The following FGF13 variants were observed in gnomAD, a reference collection of about 807,000 sequenced individuals.
FGF13 encodes the protein fibroblast growth factor homologous factor 2.
In FGF13, 2 loss-of-function variants were observed where a neutral mutation model predicts 19.5. That is an observed-to-expected ratio of 0.10 (90% CI 0.04 to 0.32). The LOEUF is 0.32. Among genes scored for constraint, FGF13 ranks in the 10% least tolerant of loss-of-function variants. FGF13 has a pLI of 1.00. For synonymous variants in FGF13, 72 were observed against 76.9 expected (o/e 0.94, Z 0.33); for missense variants, 113 against 192.7 (o/e 0.59, Z 2.45).
chrX:138,894,969 G>A (rs2091496206), intron 1 of FGF13, among the ~76,000 whole-genome samples: 1 of 111,790 alleles, frequency 8.9e-6, no homozygotes, highest in Non-Finnish European at 1.9e-5. Flanking sequence ...CACCATGATC[G>A]AGTGGGCTTC....
At chrX:138,879,512 C>T (rs1320735617) in intron 1 of FGF13, among the ~76,000 whole-genome samples, 2 of 111,519 alleles carry the variant, frequency 1.8e-5, no homozygotes, top group African/African-American at 3.3e-5. Flanking sequence ...TATTGGTTAA[C>T]GTTAGTTAAT....
At chrX:138,729,118 A>T (rs2090208454) in intron 1 of FGF13, among the ~76,000 whole-genome samples, 1 of 111,873 alleles carries the variant, frequency 8.9e-6, no homozygotes, top group African/African-American at 3.2e-5. Flanking sequence ...AGTAGAAATT[A>T]GATAAACAAC....
chrX:139,000,188 AAAT>A (rs1433878065), intron 1 of FGF13, among the ~76,000 whole-genome samples: 5 of 111,979 alleles, frequency 4.5e-5, no homozygotes, highest in Non-Finnish European at 9.4e-5. Flanking sequence ...ATGTATCTCA[AAAT>A]AATAAGACCT....
At chrX:138,770,922 G>C (rs975643876) in intron 3 of FGF13, among the ~76,000 whole-genome samples, 1 of 111,161 alleles carries the variant, frequency 9.0e-6, no homozygotes, top group African/African-American at 3.3e-5. Flanking sequence ...GCCTTCTGTG[G>C]GTGCAAGGTT....
intron 3 of FGF13, among the ~76,000 whole-genome samples, chrX:138,749,193 AGAT>A (rs1284632900): frequency 1.8e-5 from 2 of 110,561 alleles, no homozygotes; most frequent in Admixed American, 9.7e-5. Flanking sequence ...ATCCCAGAGA[AGAT>A]GATATTAAGC....
intron 1 of FGF13, among the ~76,000 whole-genome samples, chrX:139,129,582 A>C (rs952706452): frequency 1.7e-4 from 19 of 111,712 alleles, no homozygotes; most frequent in African/African-American, 6.2e-4. Context: ...GCGTCTGAAA[A>C]GACCCAAAGC....
At chrX:139,174,279 T>C (rs1265659788) in intron 1 of FGF13, among the ~76,000 whole-genome samples, 1 of 112,486 alleles carries the variant, frequency 8.9e-6, no homozygotes, top group East Asian at 2.8e-4. Flanking sequence ...TTTATTTAAG[T>C]TCCTTGTAGA....
At chrX:139,151,189 T>C (rs774087993) in intron 1 of FGF13, among the ~76,000 whole-genome samples, 1 of 111,725 alleles carries the variant, frequency 9.0e-6, no homozygotes, top group Admixed American at 9.5e-5. Context: ...TTATTTAATT[T>C]CTCCTGTTGT....
At chrX:138,885,073 A>G (rs910296215) in intron 1 of FGF13, among the ~76,000 whole-genome samples, 1 of 112,337 alleles carries the variant, frequency 8.9e-6, no homozygotes, top group Non-Finnish European at 1.9e-5. Flanking sequence ...AGAAAAATAC[A>G]GCATATTAGC....
intron 1 of FGF13, among the ~76,000 whole-genome samples, chrX:139,186,166 C>T (rs1419905075): frequency 1.8e-5 from 2 of 111,353 alleles, no homozygotes. Flanking sequence ...TATGAATCAC[C>T]ACTGAAAATC....
intron 3 of FGF13, among the ~76,000 whole-genome samples, chrX:138,809,242 C>G (rs1484560721): frequency 8.9e-6 from 1 of 111,856 alleles, no homozygotes; most frequent in Non-Finnish European, 1.9e-5. Flanking sequence ...AAAAGCTTAT[C>G]CATCACGATC....
At chrX:138,707,097 A>G (rs903368588) in intron 2 of FGF13, among the ~76,000 whole-genome samples, 1 of 111,649 alleles carries the variant, frequency 9.0e-6, no homozygotes, top group African/African-American at 3.3e-5. Context: ...ATATGTAGGA[A>G]CTGAAGAGTA....
At chrX:138,749,637 G>T (rs1312045526) in intron 3 of FGF13, among the ~76,000 whole-genome samples, 3 of 111,416 alleles carry the variant, frequency 2.7e-5, no homozygotes, top group African/African-American at 9.8e-5. Flanking sequence ...ACAGGCTTGG[G>T]ACAGTCTAGC....
In FGF13 at chrX:138,953,236, T is replaced by A. The variant is rs191052539; in HGVS notation, c.-112-88586A>T. Among the ~76,000 whole-genome samples, 442 of 110,987 alleles carry A rather than the reference T, an allele frequency of 4.0e-3. 3 individuals are homozygous for A. Among genetic ancestry groups the A allele is most frequent in the African/African-American group, 0.014 (421 of 30,464 alleles). On this transcript the variant is annotated intron_variant, in intron 1 of 2. Coordinates refer to the FGF13 transcript ENST00000421460. ...AATGTGGCACATAGACACCATGGAATACTATGCAGCCATAAAAAGGGATGA... is the reference window on the plus strand; with the variant it reads ...AATGTGGCACATAGACACCATGGAAAACTATGCAGCCATAAAAAGGGATGA...
chrX:138,748,756 G>T (rs901275812), intron 3 of FGF13, among the ~76,000 whole-genome samples: 1 of 111,132 alleles, frequency 9.0e-6, no homozygotes, highest in East Asian at 2.8e-4. Context: ...TTTTAAAAAC[G>T]GAAATCCACT....
At chrX:138,994,798 C>T (rs1054840442) in intron 1 of FGF13, among the ~76,000 whole-genome samples, 1 of 109,690 alleles carries the variant, frequency 9.1e-6, no homozygotes, top group Non-Finnish European at 1.9e-5. Context: ...AACAATGTTA[C>T]GTGTTGAAAA....
chrX:139,058,246 A>G (rs7877464), intron 1 of FGF13, among the ~76,000 whole-genome samples: 17,574 of 111,480 alleles, frequency 0.16, 1,211 homozygotes, highest in African/African-American at 0.26. Context: ...AACATTTTCA[A>G]GATCATAAAT....
chrX:138,689,666 G>C (rs763419590), intron 3 of FGF13, among the ~76,000 whole-genome samples: 1 of 111,764 alleles, frequency 8.9e-6, no homozygotes, highest in South Asian at 3.7e-4. Context: ...AAGTAAGTAG[G>C]GTATTGGAAA....
At chrX:138,831,323 C>G (rs1159239783) in intron 3 of FGF13, among the ~76,000 whole-genome samples, 1 of 110,836 alleles carries the variant, frequency 9.0e-6, no homozygotes, top group African/African-American at 3.3e-5. Flanking sequence ...CTCAGAGAAT[C>G]AAGAACTATG....
Sources: gnomAD v4.1 joint callset for allele counts (sites outside exome capture counted in the v4.1 genomes callset) on GRCh38, gnomAD v4.1.1 for gene constraint, MANE v1.5 for transcripts, NCBI Gene and HGNC (gene_info 2026-07-23, HGNC 2026-07-21) for gene names.